HS1BP3: variants seen among roughly 807,000 people sequenced by gnomAD.
The protein encoded by HS1BP3 is HCLS1-binding protein 3.
HS1BP3 carries 32 observed loss-of-function variants against 33.5 expected under a neutral mutation model. The ratio of observed to expected loss-of-function variants is 0.95; its 90% CI spans 0.72 to 1.28. The LOEUF is 1.28. Ranked by LOEUF, HS1BP3 falls within the 50% of genes most tolerant of loss-of-function variation. HS1BP3 has a pLI of 0.00. For synonymous variants in HS1BP3, 187 were observed against 209.2 expected (o/e 0.89, Z 0.92); for missense variants, 486 against 502.3 (o/e 0.97, Z 0.31).
In HS1BP3 at chr2:20,634,681, G is replaced by A. The variant is rs572341569; in HGVS notation, c.623+3755C>T. On this transcript the variant is annotated intron_variant, in intron 4 of 6. Transcript: ENST00000304031. ...GGGAGCACCTGGCAATGTGCCAGGA[G>A]CATTCAAAACCACAGAATCATTCCA... 5 of 152,380 alleles carry A rather than the reference G, an allele frequency of 3.3e-5. No individual in the cohort carries two copies. In the South Asian group the frequency reaches 1.0e-3, roughly 32 times the overall value. 9.4% of individuals were successfully genotyped at this position (152,380 alleles called of 1,614,324 possible). A position where few individuals can be genotyped will look rare whatever the true frequency, so the allele number is the denominator to read the frequency against.
At chr2:20,606,622 G>A (rs548233754) in intron 2 of HS1BP3, 56 of 479,030 alleles carry the variant, frequency 1.2e-4, no homozygotes, top group Middle Eastern at 7.7e-4. Flanking sequence ...ACTTTCCAGC[G>A]TCTTTCTTCT....
intron 1 of HS1BP3, among the ~76,000 whole-genome samples, chr2:20,647,869 G>A (rs1008666002): frequency 2.0e-5 from 3 of 152,134 alleles, no homozygotes; most frequent in Non-Finnish European, 2.9e-5. Flanking sequence ...GGTTCTGCAG[G>A]CCCCGGGGTG....
Position 20,638,485 on chromosome 2 carries a change from C to G in HS1BP3, c.574G>C (p.Glu192Gln). 1 of 1,614,274 alleles carries G rather than the reference C, an allele frequency of 6.2e-7. No individual in the cohort carries two copies. The highest frequency in any genetic ancestry group is 1.1e-5 in the South Asian group (1 of 91,086). The change falls in exon 4 of 7, where the codon GAG (glutamate) becomes CAG (glutamine). Residue 192 changes from glutamate to glutamine, a missense_variant. Physicochemically the swap from Glu to Gln is conservative, Grantham distance 29. Transcript: ENST00000304031. ...PVQSLKGEDA[E>Q]ESLEEEEALD... is the part of the protein sequence containing the mutation. Reference sequence around the variant, plus strand: ...GCCTCCTCCTCCTCCAAGGATTCCTCAGCATCCTCGCCCTTCAGGCTCTGG... The same window carrying G: ...GCCTCCTCCTCCTCCAAGGATTCCTGAGCATCCTCGCCCTTCAGGCTCTGG...
chr2:20,604,183 G>A (rs1694126010), intron 2 of HS1BP3, among the ~76,000 whole-genome samples: 1 of 152,244 alleles, frequency 6.6e-6, no homozygotes, highest in Non-Finnish European at 1.5e-5. Flanking sequence ...GAAGGCAGGA[G>A]CTGCAGTGTA....
chr2:20,615,796 G>A (rs1694411476), downstream of HS1BP3, among the ~76,000 whole-genome samples: 1 of 152,246 alleles, frequency 6.6e-6, no homozygotes, highest in Non-Finnish European at 1.5e-5. Flanking sequence ...AGAGTGGCTG[G>A]ACTTTGCTGT....
chr2:20,627,419 C>T lies in HS1BP3; in HGVS notation c.624-2527G>A, dbSNP rs368296562. On this transcript the variant is annotated intron_variant, in intron 4 of 6. Transcript: ENST00000304031. ...AAATCAGAGGGCGCAGAGAGGGAAG[C>T]GAGCCATCTGAGGAACAAGGGAAGC... Among the ~76,000 whole-genome samples, 56 of 152,344 alleles carry T rather than the reference C, an allele frequency of 3.7e-4. No individual in the cohort carries two copies. The South Asian group carries it at 0.012, about 32-fold the overall frequency.
chr2:20,621,048 G>A (rs771040031), intron 6 of HS1BP3, among the ~76,000 whole-genome samples: 2 of 152,262 alleles, frequency 1.3e-5, no homozygotes, highest in Non-Finnish European at 2.9e-5. Flanking sequence ...CTGAAGAAGG[G>A]AGCAGACAGC....
intron 2 of HS1BP3, among the ~76,000 whole-genome samples, chr2:20,607,198 C>T (rs966973123): frequency 2.6e-5 from 4 of 151,944 alleles, no homozygotes; most frequent in East Asian, 1.9e-4. Flanking sequence ...CTCCATCGCC[C>T]AGGCTGGAGT....
At chr2:20,599,876 G>A (rs1694032222) in intron 2 of HS1BP3, among the ~76,000 whole-genome samples, 1 of 152,098 alleles carries the variant, frequency 6.6e-6, no homozygotes, top group South Asian at 2.1e-4. Context: ...GGTTCATTCA[G>A]CCCTGCCATC....
intron 5 of HS1BP3, among the ~76,000 whole-genome samples, chr2:20,584,992 G>A (rs1452311329): frequency 6.6e-6 from 1 of 152,232 alleles, no homozygotes; most frequent in East Asian, 1.9e-4. Context: ...AGAAAATGGA[G>A]AGGGACAATC....
At chr2:20,562,149 C>T (rs996627906) in intron 5 of HS1BP3, among the ~76,000 whole-genome samples, 2 of 152,094 alleles carry the variant, frequency 1.3e-5, no homozygotes, top group African/African-American at 2.4e-5. Context: ...CTTTCAACTC[C>T]GACTGTTCAT....
intron 2 of HS1BP3, chr2:20,606,596 T>C: frequency 2.0e-6 from 1 of 487,972 alleles, no homozygotes; most frequent in African/African-American, 2.0e-5. Flanking sequence ...CACTGGGTCT[T>C]TGTCTTTCCT....
chr2:20,642,296 T>C (rs1467708719), intron 2 of HS1BP3, among the ~76,000 whole-genome samples: 2 of 152,044 alleles, frequency 1.3e-5, no homozygotes, highest in African/African-American at 2.4e-5. Context: ...GGAACACACA[T>C]CCTTGGCTCC....
the HS1BP3 span, among the ~76,000 whole-genome samples, chr2:20,554,990 G>A: frequency 2.0e-5 from 3 of 152,116 alleles, no homozygotes; most frequent in Non-Finnish European, 4.4e-5. Context: ...TCTGCCATGC[G>A]GGAACTTGAC....
chr2:20,651,019 G>C lies in HS1BP3; in HGVS notation c.32+13C>G. 8.1e-7 allele frequency: 1 copy of C among 1,239,632 alleles called. No individual in the cohort carries two copies. The highest frequency in any genetic ancestry group is 4.0e-5 in the South Asian group (1 of 24,868). The allele number at this position is 1,239,632 out of a possible 1,614,324, so 76.8% of individuals were successfully genotyped here. ...GCGAGCTGTGCGGTGTGGGGCGCGG[G>C]GGTCTGGCTCACCTGGAGGTGACGA... On this transcript the variant is annotated intron_variant, in intron 1 of 6. Transcript: ENST00000304031.
intron 5 of HS1BP3, among the ~76,000 whole-genome samples, chr2:20,580,270 G>A (rs2149275415): frequency 6.6e-6 from 1 of 152,366 alleles, no homozygotes; most frequent in South Asian, 2.1e-4. Flanking sequence ...TGTAATCCTA[G>A]CACTTTGGGA....
chr2:20,618,861 G>A lies in HS1BP3; in HGVS notation c.*126C>T. On this transcript the variant is annotated 3_prime_UTR_variant, in exon 7 of 7. Transcript: ENST00000304031. Reference sequence around the variant, plus strand: ...GGAACCATGCAGTTCTGGGTGCTGTGACCCAGGCTTCTGCCTGGCCTCCCC... The same window carrying A: ...GGAACCATGCAGTTCTGGGTGCTGTAACCCAGGCTTCTGCCTGGCCTCCCC... 6.9e-7 allele frequency: 1 copy of A among 1,446,648 alleles called. No homozygotes were observed. The highest frequency in any genetic ancestry group is 1.4e-5 in the African/African-American group (1 of 70,004). The allele number at this position is 1,446,648 out of a possible 1,614,324, so 89.6% of individuals were successfully genotyped here.
chr2:20,564,345 C>T (rs1018212007), intron 5 of HS1BP3, among the ~76,000 whole-genome samples: 2 of 152,220 alleles, frequency 1.3e-5, no homozygotes, highest in Non-Finnish European at 2.9e-5. Flanking sequence ...CCTCCGTGGC[C>T]CCAGCTGGCC....
downstream of HS1BP3, among the ~76,000 whole-genome samples, chr2:20,557,027 A>C (rs1390254978): frequency 1.3e-5 from 2 of 151,380 alleles, no homozygotes; most frequent in Non-Finnish European, 2.9e-5. Flanking sequence ...TTCCTTTCTA[A>C]TTTTGCATGT....
Sources: allele counts gnomAD v4.1 joint callset (sites outside exome capture counted in the v4.1 genomes callset), GRCh38; gene constraint gnomAD v4.1.1; transcripts MANE v1.5; gene names NCBI Gene and HGNC (gene_info 2026-07-23, HGNC 2026-07-21).